The following XYLT1 variants were observed in gnomAD, a reference collection of about 807,000 sequenced individuals.
XYLT1 encodes beta-D-xylosyltransferase 1.
A neutral mutation model predicts 91.3 loss-of-function variants in XYLT1; 36 were observed. That is an observed-to-expected ratio of 0.39 (90% CI 0.30 to 0.52). XYLT1 has a LOEUF of 0.52. XYLT1 is among the 20% of genes least tolerant of loss of function. XYLT1 has a pLI of 0.68. For missense variants in XYLT1, 1,242 were observed against 1,284.5 expected (o/e 0.97, Z 0.51); for synonymous variants, 588 against 532.0 (o/e 1.11, Z -1.45).
intron 9 of XYLT1, among the ~76,000 whole-genome samples, chr16:17,133,140 AGAGAGAAGCCGAGGGAT>A (rs1340302554): frequency 1.3e-5 from 2 of 152,148 alleles, no homozygotes; most frequent in African/African-American, 4.8e-5. Context: ...AACTTTACGG[AGAGAGAAGCCGAGGGAT>A]GTGAGGAGGT....
At position 17,105,786 on chromosome 16, in the gene XYLT1, A is replaced by C. The variant is rs1045415999; in HGVS notation, c.*2909T>G. 6.6e-6 allele frequency: 1 copy of C among 152,146 alleles called. No individual in the cohort carries two copies. Among genetic ancestry groups the C allele is most frequent in the South Asian group, 2.1e-4 (1 of 4,826 alleles). 9.4% of individuals were successfully genotyped at this position (152,146 alleles called of 1,614,324 possible). ...ATGCTTTTGAAATCTTCCACAGCCC[A>C]AGCTCCAGGCTGTCTGACCAATGGC... On this transcript the variant is annotated 3_prime_UTR_variant, in exon 12 of 12. Transcript: ENST00000261381.
chr16:17,337,778 T>TTC lies in XYLT1; in HGVS notation c.402+20233_402+20234insGA, dbSNP rs1555498508. On this transcript the variant is annotated intron_variant, in intron 2 of 11. Coordinates refer to ENST00000261381, the MANE Select transcript of XYLT1 (RefSeq NM_022166.4). ...CTTTGTCTGTTCCACATTTTTTCTT[T>TTC]TTCTTTTTTTTTTTTTTTGTGAGAC... Among the ~76,000 whole-genome samples the TTC allele has an allele frequency of 8.4e-4, 114 of 135,812 alleles. 2 individuals are homozygous for TTC. Among genetic ancestry groups the TTC allele is most frequent in the Non-Finnish European group, 1.1e-3 (73 of 65,366 alleles). The allele number at this position is 135,812 out of a possible 152,430, so 89.1% of individuals were successfully genotyped here. A position where few individuals can be genotyped will look rare whatever the true frequency, so the allele number is the denominator to read the frequency against.
At chr16:17,274,091 T>C (rs1053400657) in intron 2 of XYLT1, among the ~76,000 whole-genome samples, 1 of 151,922 alleles carries the variant, frequency 6.6e-6, no homozygotes, top group African/African-American at 2.4e-5. Flanking sequence ...TTTGTATTTT[T>C]AGTAGAGACA....
chr16:17,394,823 T>C (rs2035863184), intron 1 of XYLT1, among the ~76,000 whole-genome samples: 1 of 152,160 alleles, frequency 6.6e-6, no homozygotes, highest in Non-Finnish European at 1.5e-5. Flanking sequence ...AAACAGAGTA[T>C]ATAAAGCATT....
chr16:17,114,361 G>T (rs1210959277), intron 11 of XYLT1, among the ~76,000 whole-genome samples: 1 of 152,234 alleles, frequency 6.6e-6, no homozygotes, highest in African/African-American at 2.4e-5. Flanking sequence ...GCAGAAGGGG[G>T]TGGTCTTATG....
intron 3 of XYLT1, among the ~76,000 whole-genome samples, chr16:17,214,301 ATTAACTC>A (rs1478445883): frequency 6.6e-6 from 1 of 152,224 alleles, no homozygotes; most frequent in Non-Finnish European, 1.5e-5. Context: ...CTCTTCCCCC[ATTAACTC>A]TGGGAGGTCG....
intron 2 of XYLT1, among the ~76,000 whole-genome samples, chr16:17,351,671 A>G (rs2035221572): frequency 1.3e-5 from 2 of 151,800 alleles, no homozygotes; most frequent in African/African-American, 2.4e-5. Context: ...TCTTTGTAAA[A>G]TAAACTGTCC....
intron 2 of XYLT1, among the ~76,000 whole-genome samples, chr16:17,284,246 G>A (rs2141788707): frequency 6.6e-6 from 1 of 152,268 alleles, no homozygotes; most frequent in East Asian, 1.9e-4. Context: ...ACTTACTGAG[G>A]AGCAGCTACT....
At chr16:17,166,618 T>G (rs2141551359) in intron 5 of XYLT1, among the ~76,000 whole-genome samples, 2 of 152,116 alleles carry the variant, frequency 1.3e-5, no homozygotes, top group East Asian at 3.9e-4. Context: ...TTCGAGAGAT[T>G]CTCCTGCTTC....
chr16:17,391,136 C>T (rs1198617463), intron 1 of XYLT1, among the ~76,000 whole-genome samples: 1 of 152,178 alleles, frequency 6.6e-6, no homozygotes. Context: ...TTTGCAACTT[C>T]CCTGATTCCT....
chr16:17,195,375 T>G (rs2032403637), intron 5 of XYLT1, among the ~76,000 whole-genome samples: 1 of 152,176 alleles, frequency 6.6e-6, no homozygotes, highest in African/African-American at 2.4e-5. Flanking sequence ...CAGAGGCCTT[T>G]CTGACCTCCT....
chr16:17,409,143 T>C (rs1458456019), intron 1 of XYLT1, among the ~76,000 whole-genome samples: 2 of 152,164 alleles, frequency 1.3e-5, no homozygotes, highest in Admixed American at 1.3e-4. Context: ...GCTGCCAAAG[T>C]GTACCAGAAC....
chr16:17,200,875 C>A (rs762170162), intron 3 of XYLT1, among the ~76,000 whole-genome samples: 12 of 152,180 alleles, frequency 7.9e-5, no homozygotes, highest in Non-Finnish European at 1.8e-4. Flanking sequence ...GACATAGTTT[C>A]CATTCTGAGG....
At chr16:17,319,470 T>C (rs2034684795) in intron 2 of XYLT1, among the ~76,000 whole-genome samples, 1 of 151,154 alleles carries the variant, frequency 6.6e-6, no homozygotes, top group Non-Finnish European at 1.5e-5. Flanking sequence ...TTTTGGAAAC[T>C]AAATCTGTGT....
intron 3 of XYLT1, among the ~76,000 whole-genome samples, chr16:17,212,089 G>A (rs1044413907): frequency 1.3e-5 from 2 of 152,204 alleles, no homozygotes; most frequent in Non-Finnish European, 2.9e-5. Context: ...TCTAGATGTG[G>A]TCTCTGATGA....
chr16:17,351,749 T>TTGGGG (rs527385833), intron 2 of XYLT1, among the ~76,000 whole-genome samples: 10 of 134,836 alleles, frequency 7.4e-5, no homozygotes, highest in African/African-American at 2.8e-4. Context: ...GCTTTTTTTT[T>TTGGGG]GGGGGGGGGT....
At chr16:17,420,402 A>G (rs2141921002) in intron 1 of XYLT1, among the ~76,000 whole-genome samples, 1 of 152,342 alleles carries the variant, frequency 6.6e-6, no homozygotes, top group South Asian at 2.1e-4. Context: ...CTCACAAAGC[A>G]ATTTTTAAAA....
At chr16:17,358,882 T>C (rs2035342884) in intron 1 of XYLT1, among the ~76,000 whole-genome samples, 1 of 152,152 alleles carries the variant, frequency 6.6e-6, no homozygotes. Flanking sequence ...TTCCATGGTC[T>C]GGGGAAGGTC....
At chr16:17,271,427 C>G (rs888932712) in intron 2 of XYLT1, among the ~76,000 whole-genome samples, 1 of 151,802 alleles carries the variant, frequency 6.6e-6, no homozygotes, top group African/African-American at 2.4e-5. Context: ...CAGAGAGAGA[C>G]ACAGAGCAAG....
Sources: allele counts gnomAD v4.1 joint callset (sites outside exome capture counted in the v4.1 genomes callset), GRCh38; gene constraint gnomAD v4.1.1; transcripts MANE v1.5; gene names NCBI Gene and HGNC (gene_info 2026-07-23, HGNC 2026-07-21).